Variants in CDC42BPA observed in about 807,000 individuals in gnomAD.
CDC42BPA encodes the protein serine/threonine-protein kinase MRCK alpha.
CDC42BPA carries 80 observed loss-of-function variants against 223.5 expected under a neutral mutation model. The observed-to-expected ratio is 0.36, with a 90% CI of 0.30 to 0.43. The LOEUF is 0.43. Ranked by LOEUF, CDC42BPA falls within the 20% of genes least tolerant of loss-of-function variation. The pLI is 1.00. For missense variants in CDC42BPA, 1,743 were observed against 2,099.9 expected, an observed-to-expected ratio of 0.83 and a Z score of 3.32; for synonymous variants, 694 against 718.6, an observed-to-expected ratio of 0.97 and a Z score of 0.55.
At chr1:227,234,880 TA>T (rs1678703653) in intron 2 of CDC42BPA, 1 of 151,842 alleles carries the variant, frequency 6.6e-6, no homozygotes, top group Admixed American at 6.6e-5. Context: ...CACAAATACG[TA>T]AACTTTCTTA....
At chr1:227,064,126 C>T (rs1262478100) in intron 21 of CDC42BPA, among the ~76,000 whole-genome samples, 1 of 152,118 alleles carries the variant, frequency 6.6e-6, no homozygotes, top group Middle Eastern at 3.2e-3. Flanking sequence ...CTCTGTTTCT[C>T]TGTGTCTGAC....
intron 10 of CDC42BPA, 63 bp downstream of exon 10, chr1:227,139,513 T>C (rs990765967): frequency 8.2e-6 from 9 of 1,099,364 alleles, no homozygotes; most frequent in Middle Eastern, 3.0e-4. Context: ...CCACTTATAA[T>C]AAACAGCTCA....
At chr1:227,180,995 A>G (rs1259940310) in intron 5 of CDC42BPA, among the ~76,000 whole-genome samples, 2 of 152,038 alleles carry the variant, frequency 1.3e-5, no homozygotes, top group Admixed American at 6.5e-5. Flanking sequence ...CAGACATACC[A>G]CATGATGCTG....
In CDC42BPA at chr1:227,016,164, T is replaced by C; in HGVS notation, c.4773A>G (p.Lys1591=). 2 of 1,596,886 alleles carry C rather than the reference T, an allele frequency of 1.3e-6. No homozygotes were observed. Among genetic ancestry groups the C allele is most frequent in the African/African-American group, 1.3e-5 (1 of 74,634 alleles). ...TAAAATTAGTTGGATTAGAAATTAA[T>C]TTATTTCTCATTTCTGGATCTCGTA... is the stretch of plus-strand genomic sequence containing the variant. ...EMLRDPEMRN[K]LISNPTNFNH... is the part of the protein sequence containing the mutation. The change falls in exon 34 of 37, where the codon AAA becomes AAG. Residue 1591 remains lysine (K), a synonymous_variant. Coordinates refer to ENST00000366766, the MANE Select transcript of CDC42BPA (RefSeq NM_001394014.1).
intron 1 of CDC42BPA, among the ~76,000 whole-genome samples, chr1:227,302,492 C>T (rs1427122460): frequency 6.6e-6 from 1 of 152,162 alleles, no homozygotes; most frequent in Admixed American, 6.5e-5. Context: ...CAAAGAGTTT[C>T]TGATTCTTAT....
rs199895591 is a variant in CDC42BPA, at chr1:227,277,078, T to TA, written c.179-22924dup. ...ACACCCAAGAATGATCAATAAATAC[T>TA]AAAAAAAAAAAAAAAAAGAAAAAGA... On this transcript the variant is annotated intron_variant, in intron 1 of 36. Coordinates refer to ENST00000366766, the MANE Select transcript of CDC42BPA (RefSeq NM_001394014.1). Among the ~76,000 whole-genome samples the TA allele has an allele frequency of 3.0e-3, 317 of 105,014 alleles. 1 individual carries two copies. Among genetic ancestry groups the TA allele is most frequent in the Middle Eastern group, 0.01 (2 of 196 alleles). 68.9% of individuals were successfully genotyped at this position (105,014 alleles called of 152,430 possible).
intron 1 of CDC42BPA, among the ~76,000 whole-genome samples, chr1:227,280,442 T>C (rs1252661145): frequency 6.6e-6 from 1 of 152,138 alleles, no homozygotes; most frequent in Non-Finnish European, 1.5e-5. Context: ...TTTATAAAAA[T>C]GGGAGATGGT....
chr1:227,012,813 T>C (rs1418218620), intron 34 of CDC42BPA, among the ~76,000 whole-genome samples: 1 of 152,110 alleles, frequency 6.6e-6, no homozygotes, highest in African/African-American at 2.4e-5. Context: ...TTTCAATAGA[T>C]ACATACACAA....
rs1670056750 is a variant in CDC42BPA at position 227,035,575 on chromosome 1, T to C, written c.3232A>G (p.Asn1078Asp). The change falls in exon 25 of 37, where the codon AAC becomes GAC. Residue 1078 changes from asparagine (N) to aspartate (D), a missense_variant. Around this residue, in one of 6 missense-constraint regions of CDC42BPA, gnomAD observed 678 missense variants for 777.5 expected, o/e 0.87. Coordinates refer to ENST00000366766, the MANE Select transcript of CDC42BPA (RefSeq NM_001394014.1). ...CGFSCHITCV[N>D]KAPTTCPVPP... ...ACTGGACAAGTGGTTGGAGCTTTGTTTACACAAGTTATATGGCATGAGAAT... is the reference window on the plus strand; with the variant it reads ...ACTGGACAAGTGGTTGGAGCTTTGTCTACACAAGTTATATGGCATGAGAAT... The C allele has an allele frequency of 5.6e-6, 9 of 1,608,006 alleles. No individual in the cohort carries two copies. Among genetic ancestry groups the C allele is most frequent in the Non-Finnish European group, 7.6e-6 (9 of 1,178,594 alleles).
At chr1:227,214,085 T>C (rs371646925) in intron 2 of CDC42BPA, among the ~76,000 whole-genome samples, 4 of 151,110 alleles carry the variant, frequency 2.6e-5, no homozygotes, top group African/African-American at 9.7e-5. Context: ...TTACTGGGGG[T>C]TGGTGGGGAG....
chr1:227,279,799 G>A (rs1316360617), intron 1 of CDC42BPA, among the ~76,000 whole-genome samples: 6 of 152,134 alleles, frequency 3.9e-5, no homozygotes, highest in Admixed American at 3.3e-4. Flanking sequence ...GCTCACACTT[G>A]TAATCCCAGC....
intron 6 of CDC42BPA, among the ~76,000 whole-genome samples, chr1:227,151,368 T>C (rs1392163437): frequency 6.6e-6 from 1 of 152,236 alleles, no homozygotes; most frequent in Non-Finnish European, 1.5e-5. Flanking sequence ...TTCCATTGTA[T>C]GTATACAGCA....
At chr1:227,210,146 A>G (rs1388577941) in intron 3 of CDC42BPA, among the ~76,000 whole-genome samples, 1 of 152,152 alleles carries the variant, frequency 6.6e-6, no homozygotes, top group South Asian at 2.1e-4. Context: ...GTTGGTTCCA[A>G]GTCTTTGCTA....
chr1:227,249,353 C>A (rs1676364902), intron 2 of CDC42BPA, among the ~76,000 whole-genome samples: 1 of 152,194 alleles, frequency 6.6e-6, no homozygotes, highest in South Asian at 2.1e-4. Context: ...TGGTGAAAAT[C>A]TCCAGGACAC....
chr1:227,196,530 C>G (rs539482448), intron 4 of CDC42BPA, among the ~76,000 whole-genome samples: 55 of 151,204 alleles, frequency 3.6e-4, no homozygotes, highest in South Asian at 1.9e-3. Context: ...TAGTAGAGAC[C>G]GGGTTTCACC....
chr1:227,083,640 T>C (rs1681185249), intron 16 of CDC42BPA, among the ~76,000 whole-genome samples: 3 of 152,238 alleles, frequency 2.0e-5, no homozygotes, highest in Admixed American at 2.0e-4. Flanking sequence ...GCATGCCACA[T>C]ATCGTGTATA....
intron 21 of CDC42BPA, among the ~76,000 whole-genome samples, chr1:227,064,459 G>T (rs907338812): frequency 6.6e-6 from 1 of 152,174 alleles, no homozygotes; most frequent in Non-Finnish European, 1.5e-5. Flanking sequence ...ATGAACTGAA[G>T]AGAGTATAGG....
chr1:227,036,818 C>A (rs550901247), intron 24 of CDC42BPA, among the ~76,000 whole-genome samples: 3 of 152,096 alleles, frequency 2.0e-5, no homozygotes, highest in Non-Finnish European at 4.4e-5. Flanking sequence ...AATAAGTATC[C>A]TATACTGGAT....
intron 1 of CDC42BPA, among the ~76,000 whole-genome samples, chr1:227,270,283 G>A (rs1328063672): frequency 6.6e-6 from 1 of 152,162 alleles, no homozygotes; most frequent in Non-Finnish European, 1.5e-5. Flanking sequence ...CATAGGAAGA[G>A]GGTCTAAAAG....
Sources: allele counts gnomAD v4.1 joint callset (sites outside exome capture counted in the v4.1 genomes callset), GRCh38; gene constraint gnomAD v4.1.1; regional missense constraint gnomAD v4.1.1; transcripts MANE v1.5; gene names NCBI Gene and HGNC (gene_info 2026-07-23, HGNC 2026-07-21).